Variants in PCDHA2 observed in about 807,000 individuals in gnomAD.
The protein encoded by PCDHA2 is protocadherin alpha-2.
A neutral mutation model predicts 66.0 loss-of-function variants in PCDHA2; 58 were observed. That is an observed-to-expected ratio of 0.88 (90% CI 0.71 to 1.09). The LOEUF (loss-of-function observed/expected upper bound fraction) is 1.09, where lower values mean the gene tolerates loss of function less well. Among genes scored for constraint, PCDHA2 ranks in the 50% least tolerant of loss-of-function variants. The pLI is 0.00. For synonymous variants in PCDHA2, 634 were observed against 554.0 expected (o/e 1.14, Z -2.03); for missense variants, 1,267 against 1,242.3 (o/e 1.02, Z -0.30).
chr5:140,821,614 G>A (rs1287439178), intron 1 of PCDHA2: 1 of 830,962 alleles, frequency 1.2e-6, no homozygotes, highest in Non-Finnish European at 1.8e-6. Context: ...ACAGTGAGTA[G>A]ATTTTCCTTA....
chr5:140,799,666 T>C (rs1762463829), intron 1 of PCDHA2, among the ~76,000 whole-genome samples: 1 of 152,118 alleles, frequency 6.6e-6, no homozygotes, highest in Admixed American at 6.5e-5. Context: ...AAAACAACAA[T>C]TGATAATTTA....
At chr5:140,868,370 A>C (rs1424656791) in intron 1 of PCDHA2, 2 of 152,204 alleles carry the variant, frequency 1.3e-5, no homozygotes, top group African/African-American at 4.8e-5. Flanking sequence ...TGTAAATAAC[A>C]GTAAAGAATG....
At chr5:140,877,443 C>T (rs376417721) in intron 1 of PCDHA2, 1 of 1,613,844 alleles carries the variant, frequency 6.2e-7, no homozygotes, top group East Asian at 2.2e-5. Flanking sequence ...ACGGTGAGCC[C>T]GCGCTGACGT....
intron 1 of PCDHA2, among the ~76,000 whole-genome samples, chr5:140,977,260 T>C (rs2096752693): frequency 6.6e-6 from 1 of 152,226 alleles, no homozygotes. Flanking sequence ...TCTCAGCAGA[T>C]GTTACAGTCT....
intron 1 of PCDHA2, chr5:140,862,831 G>C (rs782083560): frequency 1.0e-5 from 6 of 572,658 alleles, no homozygotes; most frequent in African/African-American, 7.9e-5. Flanking sequence ...AGCGCGCGAC[G>C]CGGGCATGCC....
At chr5:140,907,773 G>C (rs2073598085) in intron 1 of PCDHA2, among the ~76,000 whole-genome samples, 1 of 152,200 alleles carries the variant, frequency 6.6e-6, no homozygotes, top group Admixed American at 6.5e-5. Flanking sequence ...GGTGATGACA[G>C]GGGTGGCTGG....
At chr5:140,968,385 A>G (rs782234319) in intron 1 of PCDHA2, 11 of 1,613,904 alleles carry the variant, frequency 6.8e-6, no homozygotes, top group Non-Finnish European at 9.3e-6. Flanking sequence ...TTTGACTATG[A>G]GAAGTTTCGG....
rs75101825 is a variant in PCDHA2, at chr5:140,914,430, C to A, written c.2389-64519C>A. On this transcript the variant is annotated intron_variant, in intron 1 of 3. Coordinates refer to ENST00000526136, the MANE Select transcript of PCDHA2 (RefSeq NM_018905.3). ...TTTTGTTTCCATTAGCAAGGAATAT[C>A]TTTTCCCATGTCTTTATTTTCCAGT... Among the ~76,000 whole-genome samples the A allele has an allele frequency of 8.0e-3, 1,215 of 152,204 alleles. 6 individuals carry two copies. Among genetic ancestry groups the A allele is most frequent in the African/African-American group, 0.019 (784 of 41,536 alleles).
chr5:140,981,687 A>T (rs1283182396), intron 2 of PCDHA2, among the ~76,000 whole-genome samples: 1 of 151,972 alleles, frequency 6.6e-6, no homozygotes, highest in Non-Finnish European at 1.5e-5. Flanking sequence ...CCTCCCTTCC[A>T]TCATTCATTC....
intron 1 of PCDHA2, chr5:140,836,684 A>T: frequency 6.2e-7 from 1 of 1,613,514 alleles, no homozygotes; most frequent in Non-Finnish European, 8.5e-7. Context: ...CACCCAAGAC[A>T]GACCTCATGG....
chr5:140,887,525 TC>T (rs552124664), intron 1 of PCDHA2, among the ~76,000 whole-genome samples: 1 of 152,154 alleles, frequency 6.6e-6, no homozygotes, highest in South Asian at 2.1e-4. Context: ...TATATATGAG[TC>T]TTCCTCTCCC....
intron 1 of PCDHA2, chr5:140,870,984 G>T (rs1554164960): frequency 3.7e-6 from 6 of 1,613,520 alleles, no homozygotes; most frequent in Non-Finnish European, 8.5e-7. Context: ...GGCTGTACAC[G>T]GGCGAGATAA....
intron 1 of PCDHA2, among the ~76,000 whole-genome samples, chr5:140,900,909 G>T (rs1470878423): frequency 1.3e-5 from 2 of 152,184 alleles, no homozygotes; most frequent in Middle Eastern, 3.4e-3. Context: ...TTTAACTGTG[G>T]TAAGATGATA....
intron 1 of PCDHA2, chr5:140,855,962 G>A (rs2043697360): frequency 3.6e-6 from 5 of 1,403,344 alleles, no homozygotes; most frequent in Non-Finnish European, 4.8e-6. Flanking sequence ...ATAAAAAATA[G>A]ATATAAGAAA....
Position 141,012,272 on chromosome 5 carries a change from C to G in PCDHA2, c.*2335C>G, listed in dbSNP as rs186406635. On this transcript the variant is annotated 3_prime_UTR_variant, in exon 4 of 4. Transcript: ENST00000526136. ...TTACAGCTGTAAGGATAAAACACGTCATGTGGATTCATTTTGAATTGGTGC... is the reference window on the plus strand; with the variant it reads ...TTACAGCTGTAAGGATAAAACACGTGATGTGGATTCATTTTGAATTGGTGC... 3.3e-4 allele frequency: 51 copies of G among 153,858 alleles called. No individual in the cohort carries two copies. In the East Asian group the frequency reaches 6.6e-3, roughly 20 times the overall value. 9.5% of individuals were successfully genotyped at this position (153,858 alleles called of 1,614,324 possible). A position where few individuals can be genotyped will look rare whatever the true frequency, so the allele number is the denominator to read the frequency against.
chr5:140,972,660 A>ATTTT (rs11350929), intron 1 of PCDHA2, among the ~76,000 whole-genome samples: 3 of 117,268 alleles, frequency 2.6e-5, no homozygotes, highest in Admixed American at 9.2e-5. Context: ...AAGAAACCAA[A>ATTTT]TTTTTTTTTT....
chr5:140,812,843 A>AT (rs1554126068), intron 1 of PCDHA2: 5 of 152,248 alleles, frequency 3.3e-5, no homozygotes. Flanking sequence ...TTATCTTAAC[A>AT]TATTTTCTAA....
intron 1 of PCDHA2, among the ~76,000 whole-genome samples, chr5:140,941,191 T>TTTTTC (rs1554213809): frequency 1.8e-4 from 17 of 93,256 alleles, no homozygotes; most frequent in Middle Eastern, 5.1e-3. Context: ...GCTTCTTTTT[T>TTTTTC]TTTCTTTCTT....
intron 1 of PCDHA2, chr5:140,809,366 C>T (rs782392679): frequency 6.2e-7 from 1 of 1,613,980 alleles, no homozygotes; most frequent in East Asian, 2.2e-5. Context: ...CTCTGCGCTG[C>T]CCACCGAGGG....
Sources: gnomAD v4.1 joint callset for allele counts (sites outside exome capture counted in the v4.1 genomes callset) on GRCh38, gnomAD v4.1.1 for gene constraint, MANE v1.5 for transcripts, NCBI Gene and HGNC (gene_info 2026-07-23, HGNC 2026-07-21) for gene names.